CHID1: variants seen among roughly 807,000 people sequenced by gnomAD.
The protein encoded by CHID1 is chitinase domain-containing protein 1.
CHID1 carries 44 observed loss-of-function variants against 55.4 expected under a neutral mutation model. The ratio of observed to expected loss-of-function variants is 0.79; its 90% CI spans 0.62 to 1.02. The LOEUF (loss-of-function observed/expected upper bound fraction) is 1.02, where lower values mean the gene tolerates loss of function less well. Ranked by LOEUF, CHID1 falls within the 50% of genes least tolerant of loss-of-function variation. CHID1 has a pLI of 0.00. For missense variants in CHID1, 491 were observed against 515.3 expected (o/e 0.95, Z 0.46); for synonymous variants, 216 against 212.9 (o/e 1.01, Z -0.13).
intron 4 of CHID1, among the ~76,000 whole-genome samples, chr11:901,315 C>T (rs888393201): frequency 2.6e-5 from 4 of 152,180 alleles, no homozygotes; most frequent in African/African-American, 9.6e-5. Flanking sequence ...CAGGGTTTCT[C>T]CGAGCTGAGG....
chr11:894,337 G>A (rs572883941), intron 7 of CHID1, among the ~76,000 whole-genome samples: 52 of 152,136 alleles, frequency 3.4e-4, no homozygotes, highest in African/African-American at 1.2e-3. Context: ...GAGGGGGCAG[G>A]AGCATCTCAG....
At chr11:907,199 C>T (rs752118343) in intron 1 of CHID1, among the ~76,000 whole-genome samples, 2 of 151,074 alleles carry the variant, frequency 1.3e-5, no homozygotes, top group Non-Finnish European at 3.0e-5. Context: ...TTCTACTTTC[C>T]GGCCGGGCGC....
At chr11:887,710 C>T (rs1850501385) in intron 8 of CHID1, among the ~76,000 whole-genome samples, 1 of 152,214 alleles carries the variant, frequency 6.6e-6, no homozygotes, top group Non-Finnish European at 1.5e-5. Context: ...TTCCAAGCAC[C>T]CCGTCCCGCT....
intron 1 of CHID1, among the ~76,000 whole-genome samples, chr11:909,349 T>A (rs1200591210): frequency 1.3e-5 from 2 of 152,256 alleles, no homozygotes; most frequent in Non-Finnish European, 2.9e-5. Context: ...ACAAAGGGAA[T>A]GTGTTGTGTT....
intron 10 of CHID1, chr11:874,809 G>A (rs1469576602): frequency 6.6e-6 from 1 of 152,230 alleles, no homozygotes; most frequent in African/African-American, 2.4e-5. Context: ...CAAAGGTAGA[G>A]CAGTCATGGT....
At chr11:879,093 A>C (rs1026927170) in intron 10 of CHID1, among the ~76,000 whole-genome samples, 3 of 152,088 alleles carry the variant, frequency 2.0e-5, no homozygotes, top group Non-Finnish European at 4.4e-5. Context: ...TGATCCGCCC[A>C]CCTCGGCCTC....
Position 870,266 on chromosome 11 carries a change from G to A in CHID1, c.1041-103C>T, listed in dbSNP as rs920153613. 1.4e-5 allele frequency: 21 copies of A among 1,497,932 alleles called. No homozygotes were observed. In the Middle Eastern group the frequency reaches 1.0e-3, roughly 73 times the overall value. The allele number at this position is 1,497,932 out of a possible 1,614,324, so 92.8% of individuals were successfully genotyped here. On this transcript the variant is annotated intron_variant, in intron 11 of 12. Coordinates refer to ENST00000323578, the MANE Select transcript of CHID1 (RefSeq NM_023947.4). The stretch of plus-strand genomic sequence containing the variant: ...CTGTACTCCTCCCACCCACCAGGTG[G>A]CCACCTGCTGTCCAGCTGTGCTCCA...
chr11:892,201 C>T (rs1251312176), intron 8 of CHID1, among the ~76,000 whole-genome samples: 2 of 152,232 alleles, frequency 1.3e-5, no homozygotes, highest in Admixed American at 6.5e-5. Context: ...GGACTTGGGC[C>T]CGTTATTGCC....
chr11:893,332 G>A (rs1003304321), intron 8 of CHID1, 95 bp downstream of exon 8: 13 of 969,204 alleles, frequency 1.3e-5, no homozygotes, highest in Admixed American at 2.3e-5. Context: ...GTGCTGAGCA[G>A]GAGGGCCTGG....
intron 11 of CHID1, 61 bp downstream of exon 11, chr11:870,358 A>ACCC (rs964204214): frequency 1.4e-6 from 2 of 1,444,532 alleles, no homozygotes; most frequent in Non-Finnish European, 1.9e-6. Flanking sequence ...CCTCATCTCC[A>ACCC]CCCCCAGGGC....
intron 8 of CHID1, among the ~76,000 whole-genome samples, chr11:885,513 C>T (rs1020167670): frequency 6.6e-6 from 1 of 152,180 alleles, no homozygotes; most frequent in African/African-American, 2.4e-5. Context: ...AGCCCCACCG[C>T]TCAGGCACGG....
At chr11:885,670 C>A (rs1159385547) in intron 8 of CHID1, among the ~76,000 whole-genome samples, 1 of 151,800 alleles carries the variant, frequency 6.6e-6, no homozygotes, top group Non-Finnish European at 1.5e-5. Flanking sequence ...ACCTTCCTGC[C>A]CTGCAACCTC....
At chr11:888,043 G>C (rs1850525359) in intron 8 of CHID1, among the ~76,000 whole-genome samples, 1 of 152,208 alleles carries the variant, frequency 6.6e-6, no homozygotes. Context: ...AGGGGACATG[G>C]CTCCACACCA....
chr11:870,344 G>T, intron 11 of CHID1, 75 bp downstream of exon 11: 1 of 1,388,154 alleles, frequency 7.2e-7, no homozygotes, highest in Non-Finnish European at 1.0e-6. Flanking sequence ...GGGCCCTGCT[G>T]CTCCCTCATC....
intron 7 of CHID1, among the ~76,000 whole-genome samples, chr11:895,246 G>C (rs544101576): frequency 1.8e-4 from 28 of 152,158 alleles, no homozygotes; most frequent in Non-Finnish European, 4.1e-4. Context: ...CAGCTCCCCA[G>C]GATGGTGGTG....
At chr11:872,703 GTGT>G (rs1209233317) in intron 10 of CHID1, among the ~76,000 whole-genome samples, 1 of 152,216 alleles carries the variant, frequency 6.6e-6, no homozygotes, top group African/African-American at 2.4e-5. Flanking sequence ...ACCACTCAAG[GTGT>G]TGTTGGTGTA....
intron 10 of CHID1, among the ~76,000 whole-genome samples, chr11:874,116 G>C (rs1412728609): frequency 6.6e-6 from 1 of 152,214 alleles, no homozygotes; most frequent in Non-Finnish European, 1.5e-5. Flanking sequence ...AGTGGGATGA[G>C]AGGCTTGCTC....
intron 1 of CHID1, among the ~76,000 whole-genome samples, chr11:910,010 G>T (rs966239787): frequency 1.9e-4 from 29 of 151,614 alleles, no homozygotes; most frequent in Non-Finnish European, 2.6e-4. Context: ...AGTGAACCGA[G>T]ATCGCGCCAC....
Position 904,805 on chromosome 11 carries a change from G to A in CHID1, c.12C>T (p.Leu4=). The A allele has an allele frequency of 6.2e-7, 1 of 1,613,992 alleles. No homozygotes were observed. Among genetic ancestry groups the A allele is most frequent in the Non-Finnish European group, 8.5e-7 (1 of 1,180,024 alleles). The change falls in exon 2 of 13, where the codon CTC becomes CTT. Residue 4 remains leucine, a synonymous_variant. Coordinates refer to ENST00000323578, the MANE Select transcript of CHID1 (RefSeq NM_023947.4). MRT[L]FNLLWLALAC... ...CCAGGGCAAGCCAGAGGAGGTTGAA[G>A]AGTGTCCGCATGGTAGGTGTGTCAC... is the stretch of plus-strand genomic sequence containing the variant.
Sources: allele counts gnomAD v4.1 joint callset (sites outside exome capture counted in the v4.1 genomes callset), GRCh38; gene constraint gnomAD v4.1.1; transcripts MANE v1.5; gene names NCBI Gene and HGNC (gene_info 2026-07-23, HGNC 2026-07-21).